Variants in SPTA1 observed in about 807,000 individuals in gnomAD.
SPTA1 encodes the protein spectrin alpha chain, erythrocytic 1.
SPTA1 carries 177 observed loss-of-function variants against 324.7 expected under a neutral mutation model. The observed-to-expected ratio is 0.55, with a 90% CI of 0.48 to 0.62. The LOEUF (loss-of-function observed/expected upper bound fraction) is 0.62, where lower values mean the gene tolerates loss of function less well. Among genes scored for constraint, SPTA1 ranks in the 20% least tolerant of loss-of-function variants. SPTA1 has a pLI of 0.00. For missense variants in SPTA1, 3,162 were observed against 2,883.6 expected, an observed-to-expected ratio of 1.10 and a Z score of -2.21; for synonymous variants, 1,195 against 1,041.3, an observed-to-expected ratio of 1.15 and a Z score of -2.84.
At chr1:158,633,631 A>C (rs1233521017) in intron 39 of SPTA1, among the ~76,000 whole-genome samples, 1 of 145,548 alleles carries the variant, frequency 6.9e-6, no homozygotes, top group African/African-American at 2.5e-5. Context: ...ACTGCACTCC[A>C]GGCTGGGAGA....
chr1:158,615,447 A>G (rs1163903789), intron 47 of SPTA1, 44 bp from the exon 48 acceptor site: 2 of 1,599,532 alleles, frequency 1.3e-6, no homozygotes, highest in African/African-American at 1.3e-5. Flanking sequence ...TGCCCAGGTT[A>G]CCAGCTCAAA....
At chr1:158,645,729 A>G (rs1557952726) in intron 27 of SPTA1, 135 bp from the exon 28 acceptor site, 2 of 912,252 alleles carry the variant, frequency 2.2e-6, no homozygotes. Context: ...TGCTTTACAG[A>G]TCTTACGTTT....
chr1:158,639,314 G>A, intron 35 of SPTA1: 2 of 480,992 alleles, frequency 4.2e-6, no homozygotes, highest in South Asian at 4.3e-5. Flanking sequence ...TGGCTTATAT[G>A]TATGCATCAG....
In SPTA1 at chr1:158,652,520, C is replaced by A. The variant is rs1652522177; in HGVS notation, c.3322G>T (p.Val1108Leu). Reference protein sequence around the residue: ...IQEKKAENTGVELDDVWELQK... With the variant: ...IQEKKAENTGLELDDVWELQK... ...AGCTCCCAAACATCATCTAGTTCCA[C>A]TCCAGTGTTTTCTGCCTTTTTCTCT... is the stretch of plus-strand genomic sequence containing the variant. The change falls in exon 23 of 52, where the codon GTG becomes TTG. Residue 1108 changes from valine (V) to leucine (L), a missense_variant. Coordinates refer to ENST00000643759, the MANE Select transcript of SPTA1 (RefSeq NM_003126.4). 1 of 1,614,170 alleles carries A rather than the reference C, an allele frequency of 6.2e-7. No individual in the cohort carries two copies. The highest frequency in any genetic ancestry group is 8.5e-7 in the Non-Finnish European group (1 of 1,180,036).
Position 158,643,791 on chromosome 1 carries a change from C to A in SPTA1, c.4339-366G>T, listed in dbSNP as rs989052463. Among the ~76,000 whole-genome samples the A allele has an allele frequency of 2.0e-5, 3 of 152,018 alleles. No homozygotes were observed. The South Asian group carries it at 6.2e-4, about 32-fold the overall frequency. On this transcript the variant is annotated intron_variant, in intron 30 of 51. Coordinates refer to ENST00000643759, the MANE Select transcript of SPTA1 (RefSeq NM_003126.4). Reference sequence around the variant, plus strand: ...CTTGCTGCCTGTGACTTGGGTGAAACAATGTCAAGTGTCAAGCTGCCCTGC... The same window carrying A: ...CTTGCTGCCTGTGACTTGGGTGAAAAAATGTCAAGTGTCAAGCTGCCCTGC...
At chr1:158,643,971 T>C (rs111591641) in intron 30 of SPTA1, among the ~76,000 whole-genome samples, 8 of 152,090 alleles carry the variant, frequency 5.3e-5, no homozygotes, top group African/African-American at 1.9e-4. Context: ...ATCCTGTTTC[T>C]GCTAAAAGTA....
rs385096 is a variant in SPTA1, at chr1:158,684,996, C to T, written c.264+112G>A. ...CCACTGACTTATTTTTGTTTCTAAACGGAATCTAATTGTACCCACACATAC... is the reference window on the plus strand; with the variant it reads ...CCACTGACTTATTTTTGTTTCTAAATGGAATCTAATTGTACCCACACATAC... On this transcript the variant is annotated intron_variant, in intron 2 of 51. Coordinates refer to ENST00000643759, the MANE Select transcript of SPTA1 (RefSeq NM_003126.4). 0.99 allele frequency: 1,290,644 copies of T among 1,297,908 alleles called. 641,980 individuals are homozygous for T. The highest frequency in any genetic ancestry group is 1 in the East Asian group (42,560 of 42,560). The allele number at this position is 1,297,908 out of a possible 1,614,324, so 80.4% of individuals were successfully genotyped here.
intron 43 of SPTA1, among the ~76,000 whole-genome samples, chr1:158,621,575 G>A (rs1052856751): frequency 6.6e-6 from 1 of 152,256 alleles, no homozygotes; most frequent in East Asian, 1.9e-4. Flanking sequence ...AAAACTCATT[G>A]TAGTTTGAAA....
In SPTA1 at chr1:158,620,428, T is replaced by G; in HGVS notation, c.6159A>C (p.Ser2053=). Residue 2053 remains serine (S), a synonymous_variant, in exon 44 of 52, where the codon TCA becomes TCC. Coordinates refer to ENST00000643759, the MANE Select transcript of SPTA1 (RefSeq NM_003126.4). ...TCTTTTCACACCAGTTGTTCAAAGC[T>G]GAAGCCTTATGTGCAAATTCCACGA... The part of the protein sequence containing the change: ...DLFVEFAHKA[S]ALNNWCEKME... 1.2e-6 allele frequency: 2 copies of G among 1,613,494 alleles called. No individual in the cohort carries two copies. The highest frequency in any genetic ancestry group is 1.7e-6 in the Non-Finnish European group (2 of 1,180,022).
chr1:158,635,073 T>C (rs1650968712), intron 38 of SPTA1, among the ~76,000 whole-genome samples: 1 of 132,112 alleles, frequency 7.6e-6, no homozygotes, highest in South Asian at 2.3e-4. Context: ...AATCTTCCTT[T>C]TAGCCCCCCC....
intron 21 of SPTA1, among the ~76,000 whole-genome samples, 176 bp from the exon 22 acceptor site, chr1:158,653,601 G>T (rs1222775401): frequency 6.6e-6 from 1 of 152,184 alleles, no homozygotes; most frequent in Non-Finnish European, 1.5e-5. Flanking sequence ...ATGAAGAATT[G>T]CATAGACAAG....
chr1:158,664,889 T>C (rs1408044058), intron 16 of SPTA1, among the ~76,000 whole-genome samples: 2 of 152,236 alleles, frequency 1.3e-5, no homozygotes, highest in African/African-American at 2.4e-5. Context: ...CTGGCTCATA[T>C]ACTTGGCTGC....
At chr1:158,658,612 G>T (rs1457061519) in intron 18 of SPTA1, among the ~76,000 whole-genome samples, 1 of 152,034 alleles carries the variant, frequency 6.6e-6, no homozygotes, top group Non-Finnish European at 1.5e-5. Context: ...CCCTGCCCCA[G>T]GAGTACCATA....
At chr1:158,618,971 G>A (rs1649741890) in intron 45 of SPTA1, among the ~76,000 whole-genome samples, 2 of 152,196 alleles carry the variant, frequency 1.3e-5, no homozygotes, top group Admixed American at 1.3e-4. Flanking sequence ...CAGAAAGAAA[G>A]GTGAGAGTAT....
intron 2 of SPTA1, 143 bp from the exon 3 acceptor site, chr1:158,683,639 C>G (rs1654966286): frequency 1.9e-6 from 2 of 1,063,560 alleles, no homozygotes; most frequent in Non-Finnish European, 2.8e-6. Context: ...TCCCCACTGG[C>G]TTTAGGAAGT....
Position 158,613,712 on chromosome 1 carries a change from T to A in SPTA1, c.6989+9A>T, listed in dbSNP as rs1649387691. On this transcript the variant is annotated intron_variant, in intron 50 of 51. Coordinates refer to ENST00000643759, the MANE Select transcript of SPTA1 (RefSeq NM_003126.4). ...CCTGCTGCGGTCTGACCCTTAGTCT[T>A]GTTCCTACCTCCCTGGATCCACAGC... 1 of 1,613,616 alleles carries A rather than the reference T, an allele frequency of 6.2e-7. No individual in the cohort carries two copies. The highest frequency in any genetic ancestry group is 1.1e-5 in the South Asian group (1 of 91,074).
chr1:158,620,022 A>C, intron 44 of SPTA1, 148 bp downstream of exon 44: 1 of 1,100,188 alleles, frequency 9.1e-7, no homozygotes, highest in Non-Finnish European at 1.4e-6. Flanking sequence ...CATATTTTCC[A>C]GTTTTTCTTA....
In SPTA1 at chr1:158,642,872, A is replaced by G; in HGVS notation, c.4547T>C (p.Ile1516Thr). ...ACAGGCTGTGGGCAGCATCTCACTG[A>G]TCCATTCTTCCAGCTCCTCAAGGTC... ...YRDLEELEEW[I>T]SEMLPTACDE... is the part of the protein sequence containing the mutation. The change falls in exon 32 of 52, where the codon ATC (isoleucine) becomes ACC (threonine). Residue 1516 changes from isoleucine to threonine, a missense_variant. Ile to Thr is a moderately conservative substitution (Grantham distance 89, BLOSUM62 -1). Coordinates refer to ENST00000643759, the MANE Select transcript of SPTA1 (RefSeq NM_003126.4). 1 of 1,613,618 alleles carries G rather than the reference A, an allele frequency of 6.2e-7. No homozygotes were observed.
intron 29 of SPTA1, 71 bp downstream of exon 29, chr1:158,645,117 A>C (rs1055546627): frequency 5.2e-6 from 8 of 1,530,942 alleles, no homozygotes; most frequent in Non-Finnish European, 7.2e-6. Flanking sequence ...CGGAGCCTGT[A>C]ATGACCATAT....
Sources: allele counts gnomAD v4.1 joint callset (sites outside exome capture counted in the v4.1 genomes callset), GRCh38; gene constraint gnomAD v4.1.1; transcripts MANE v1.5; gene names NCBI Gene and HGNC (gene_info 2026-07-23, HGNC 2026-07-21).